The following GBF1 variants were observed in gnomAD, a reference collection of about 807,000 sequenced individuals.
The protein encoded by GBF1 is Golgi-specific brefeldin A-resistance guanine nucleotide exchange factor 1.
GBF1 carries 114 observed loss-of-function variants against 210.5 expected under a neutral mutation model. The observed-to-expected ratio is 0.54, with a 90% CI of 0.47 to 0.63. The LOEUF (loss-of-function observed/expected upper bound fraction) is 0.63, where lower values mean the gene tolerates loss of function less well. GBF1 is among the 30% of genes least tolerant of loss of function. The pLI, the probability that GBF1 is intolerant of heterozygous loss-of-function variation, is 0.00. For synonymous variants in GBF1, 850 were observed against 889.2 expected (o/e 0.96, Z 0.78); for missense variants, 1,851 against 2,357.7 (o/e 0.79, Z 4.45).
chr10:102,294,119 C>A (rs2076712879), intron 3 of GBF1, among the ~76,000 whole-genome samples: 1 of 151,462 alleles, frequency 6.6e-6, no homozygotes, highest in Non-Finnish European at 1.5e-5. Context: ...TATAAAAGTC[C>A]AAAAGCTTAA....
chr10:102,231,849 T>C, the GBF1 span: 24 of 1,584,794 alleles, frequency 1.5e-5, no homozygotes, highest in African/African-American at 3.0e-4. Context: ...ATTCTCCGGC[T>C]CGGGGACCTC....
chr10:102,286,477 A>G (rs1211948762), intron 3 of GBF1, among the ~76,000 whole-genome samples: 1 of 152,182 alleles, frequency 6.6e-6, no homozygotes, highest in Non-Finnish European at 1.5e-5. Context: ...GCCAAATGGT[A>G]TGTATGGAAA....
intron 13 of GBF1, 184 bp downstream of exon 13, chr10:102,361,304 C>T (rs2059588990): frequency 5.2e-6 from 3 of 575,684 alleles, no homozygotes; most frequent in Non-Finnish European, 9.3e-6. Context: ...TAAAAGGAGA[C>T]CAAAGGAAAC....
intron 8 of GBF1, among the ~76,000 whole-genome samples, chr10:102,354,643 C>T (rs1159044745): frequency 1.3e-5 from 2 of 152,198 alleles, no homozygotes; most frequent in African/African-American, 4.8e-5. Flanking sequence ...GGGAATTCTC[C>T]TGGGGCATCT....
chr10:102,253,335 G>C (rs4919623), intron 1 of GBF1, among the ~76,000 whole-genome samples: 102,174 of 152,100 alleles, frequency 0.67, 34,949 homozygotes, highest in African/African-American at 0.81. Flanking sequence ...ACTCCCTGCC[G>C]CTTGCCACTA....
At chr10:102,312,709 T>G (rs1050617574) in intron 3 of GBF1, among the ~76,000 whole-genome samples, 8 of 152,170 alleles carry the variant, frequency 5.3e-5, no homozygotes, top group Admixed American at 6.5e-5. Context: ...CTGTTTGTTT[T>G]GGTTTCTTCA....
intron 4 of GBF1, among the ~76,000 whole-genome samples, chr10:102,344,600 C>A (rs549932971): frequency 1.1e-3 from 170 of 152,120 alleles, no homozygotes; most frequent in African/African-American, 3.8e-3. Context: ...CCTGCCTCAG[C>A]CTCCCGAGGA....
intron 3 of GBF1, among the ~76,000 whole-genome samples, chr10:102,341,460 G>A (rs1385012354): frequency 6.6e-6 from 1 of 152,176 alleles, no homozygotes; most frequent in African/African-American, 2.4e-5. Flanking sequence ...CTAAAGAAGT[G>A]GAAACCTGTG....
Position 102,370,417 on chromosome 10 carries a change from T to C in GBF1, c.3445T>C (p.Tyr1149His), listed in dbSNP as rs1190102228. The change falls in exon 28 of 40, where the codon TAT becomes CAT. Residue 1149 changes from tyrosine to histidine, a missense_variant. By Grantham distance (83) the Tyr-to-His change is moderately conservative. Transcript: ENST00000369983. ...CTCAGTGACACCAGATGAAGAGACA[T>C]ATGATGAGGAAGATGCTGCTTTCTG... Reference protein sequence around the residue: ...LVSVTPDEETYDEEDAAFCLE... With the variant: ...LVSVTPDEETHDEEDAAFCLE... 1 of 1,613,174 alleles carries C rather than the reference T, an allele frequency of 6.2e-7. No homozygotes were observed. Among genetic ancestry groups the C allele is most frequent in the Admixed American group, 1.7e-5 (1 of 60,028 alleles).
At chr10:102,243,230 G>GTTTA (rs1387996098), upstream of GBF1, among the ~76,000 whole-genome samples, 1 of 152,124 alleles carries the variant, frequency 6.6e-6, no homozygotes, top group Non-Finnish European at 1.5e-5. Context: ...TGAACTCTCA[G>GTTTA]TTTAGCCCCT....
chr10:102,315,023 C>T (rs142002826), intron 3 of GBF1, among the ~76,000 whole-genome samples: 84 of 152,340 alleles, frequency 5.5e-4, no homozygotes, highest in East Asian at 3.3e-3. Flanking sequence ...TCCTGGCCAA[C>T]AGCCACTGGT....
At chr10:102,253,479 A>G (rs1296897071) in intron 1 of GBF1, among the ~76,000 whole-genome samples, 1 of 152,198 alleles carries the variant, frequency 6.6e-6, no homozygotes, top group African/African-American at 2.4e-5. Context: ...ATTTAGATAC[A>G]TACCAGCCAC....
Position 102,379,299 on chromosome 10 carries a change from C to T in GBF1, c.4510C>T (p.His1504Tyr), listed in dbSNP as rs1489743379. The T allele has an allele frequency of 6.2e-7, 1 of 1,613,386 alleles. No individual in the cohort carries two copies. The change falls in exon 34 of 40, where the codon CAC becomes TAC. Residue 1504 changes from histidine (H) to tyrosine (Y), a missense_variant. Around this residue, in one of 3 missense-constraint regions of GBF1, gnomAD observed 967 missense variants for 1,247.7 expected, o/e 0.78. Transcript: ENST00000369983. The stretch of plus-strand genomic sequence containing the variant: ...GTGATCCTAGTTGCTAGACCTGATG[C>T]ACACCCTGCACACGCGGGCAGCCTC... The part of the protein sequence containing the change: ...QVSQDLLDLM[H>Y]TLHTRAASIY...
chr10:102,241,422 C>A (rs2070534036), upstream of GBF1: 1 of 152,690 alleles, frequency 6.5e-6, no homozygotes, highest in Admixed American at 6.5e-5. This position sits in a 1 kb window ranked among gnomAD's most constrained non-coding sequence, Gnocchi z 6.7. Flanking sequence ...GGCACCCGGC[C>A]GGAGTGGGGG....
At chr10:102,308,033 G>A (rs1263063578) in intron 3 of GBF1, among the ~76,000 whole-genome samples, 1 of 152,088 alleles carries the variant, frequency 6.6e-6, no homozygotes, top group Non-Finnish European at 1.5e-5. Flanking sequence ...GAGTAACTCA[G>A]ACTTTCATAC....
the GBF1 span, among the ~76,000 whole-genome samples, chr10:102,238,987 C>A: frequency 1.3e-5 from 2 of 152,184 alleles, no homozygotes; most frequent in African/African-American, 4.8e-5. Context: ...TCATCCTGAG[C>A]TTGCATCACT....
rs764940101 is a variant in GBF1 at position 102,361,133 on chromosome 10, A to G, written c.1491+13A>G. 1.4e-6 allele frequency: 2 copies of G among 1,382,604 alleles called. No individual in the cohort carries two copies. The highest frequency in any genetic ancestry group is 2.1e-6 in the Non-Finnish European group (2 of 968,398). The allele number at this position is 1,382,604 out of a possible 1,614,324, so 85.6% of individuals were successfully genotyped here. ...GTTCCAAATGGAGGTGAGTTTCTTG[A>G]TGTGGAAAGAAAAGGGGGAAAAAAA... On this transcript the variant is annotated intron_variant, in intron 13 of 39. Transcript: ENST00000369983.
At chr10:102,325,588 G>A (rs558152380) in intron 3 of GBF1, among the ~76,000 whole-genome samples, 14 of 151,158 alleles carry the variant, frequency 9.3e-5, no homozygotes, top group African/African-American at 3.2e-4. Context: ...TGCTGAGAAG[G>A]ACTATAGGGC....
chr10:102,281,001 G>C (rs1461942699), intron 3 of GBF1, among the ~76,000 whole-genome samples: 1 of 152,088 alleles, frequency 6.6e-6, no homozygotes, highest in African/African-American at 2.4e-5. Context: ...AGTTGGCAGG[G>C]GATGGGTACA....
Sources: gnomAD v4.1 joint callset for allele counts (sites outside exome capture counted in the v4.1 genomes callset) on GRCh38, gnomAD v4.1.1 for gene constraint, gnomAD v4.1.1 regional missense constraint, Gnocchi (gnomAD v3.1) non-coding constraint, MANE v1.5 for transcripts, NCBI Gene and HGNC (gene_info 2026-07-23, HGNC 2026-07-21) for gene names.